Variants in KCNH7 observed in about 807,000 individuals in gnomAD.
KCNH7 encodes potassium voltage-gated channel subfamily H member 7, also known as voltage-gated inwardly rectifying potassium channel KCNH7.
Under a neutral mutation model 120.8 loss-of-function variants are expected in KCNH7, and 49 were observed. The ratio of observed to expected loss-of-function variants is 0.41; its 90% CI spans 0.32 to 0.51. The LOEUF is 0.51. Ranked by LOEUF, KCNH7 falls within the 20% of genes least tolerant of loss-of-function variation. The pLI, the probability that KCNH7 is intolerant of heterozygous loss-of-function variation, is 0.38. For missense variants in KCNH7, 1,097 were observed against 1,446.6 expected, an observed-to-expected ratio of 0.76 and a Z score of 3.92; for synonymous variants, 547 against 516.1, an observed-to-expected ratio of 1.06 and a Z score of -0.81.
chr2:162,371,667 T>C lies in KCNH7; in HGVS notation c.*162A>G. On this transcript the variant is annotated 3_prime_UTR_variant, in exon 16 of 16. Coordinates refer to ENST00000332142, the MANE Select transcript of KCNH7 (RefSeq NM_033272.4). ...TTATGTATATTTACATCCTAACTGC[T>C]CAGTTTTACCTTACAAGCTTCAATT... is the stretch of plus-strand genomic sequence containing the variant. The C allele has an allele frequency of 4.9e-6, 4 of 816,028 alleles. No homozygotes were observed. In the South Asian group the frequency reaches 6.7e-5, roughly 14 times the overall value. The allele number at this position is 816,028 out of a possible 1,614,324, so 50.5% of individuals were successfully genotyped here.
chr2:162,710,405 C>T (rs1686886068), intron 2 of KCNH7, among the ~76,000 whole-genome samples: 1 of 152,016 alleles, frequency 6.6e-6, no homozygotes. Context: ...TGACCCAAGC[C>T]TATTTATTGT....
intron 9 of KCNH7, among the ~76,000 whole-genome samples, chr2:162,415,259 C>A (rs2105473825): frequency 6.6e-6 from 1 of 152,148 alleles, no homozygotes; most frequent in South Asian, 2.1e-4. Flanking sequence ...AAGTCCTCAA[C>A]CTTGGTCTAA....
At chr2:162,535,490 A>G (rs1574074129) in intron 3 of KCNH7, among the ~76,000 whole-genome samples, 1 of 151,740 alleles carries the variant, frequency 6.6e-6, no homozygotes, top group Non-Finnish European at 1.5e-5. Context: ...CATGCCAAGG[A>G]GCAAAGTAAA....
At chr2:162,644,389 C>T (rs1473699708) in intron 2 of KCNH7, among the ~76,000 whole-genome samples, 1 of 151,874 alleles carries the variant, frequency 6.6e-6, no homozygotes, top group African/African-American at 2.4e-5. Flanking sequence ...TACCCAGTAG[C>T]GTTATACATT....
intron 2 of KCNH7, among the ~76,000 whole-genome samples, chr2:162,609,603 A>G (rs1247275158): frequency 6.6e-6 from 1 of 152,182 alleles, no homozygotes. Flanking sequence ...ATTTTGGCCC[A>G]GAGGCAAGAT....
At chr2:162,820,209 T>TTGTGTGTGTGTGTGTG (rs71410049) in intron 2 of KCNH7, among the ~76,000 whole-genome samples, 3,708 of 99,658 alleles carry the variant, frequency 0.037, 154 homozygotes, top group Admixed American at 0.048. Context: ...CCGGCTAATT[T>TTGTGTGTGTGTGTGTG]TGTGTGTGTG....
intron 9 of KCNH7, among the ~76,000 whole-genome samples, chr2:162,422,198 A>G (rs112829719): frequency 0.022 from 3,300 of 152,260 alleles, 133 homozygotes; most frequent in African/African-American, 0.074. Context: ...TACATCACAC[A>G]CAGCTATGAT....
chr2:162,704,919 A>G (rs1226796185), intron 2 of KCNH7, among the ~76,000 whole-genome samples: 2 of 152,168 alleles, frequency 1.3e-5, no homozygotes, highest in Non-Finnish European at 2.9e-5. Flanking sequence ...ATTTTTGAAA[A>G]TCTGTGCTTT....
intron 2 of KCNH7, among the ~76,000 whole-genome samples, chr2:162,752,912 AG>A: frequency 1.1e-4 from 5 of 46,604 alleles, no homozygotes; most frequent in South Asian, 7.2e-4. Flanking sequence ...GAAAAAGAAA[AG>A]AAAAGAAAAG....
intron 7 of KCNH7, among the ~76,000 whole-genome samples, chr2:162,443,096 G>T (rs928408374): frequency 1.3e-5 from 2 of 151,998 alleles, no homozygotes; most frequent in African/African-American, 4.8e-5. Context: ...AGGTTTTAAG[G>T]CTTTATTTTT....
At chr2:162,777,351 G>A (rs1397686083) in intron 2 of KCNH7, among the ~76,000 whole-genome samples, 1 of 151,510 alleles carries the variant, frequency 6.6e-6, no homozygotes, top group Non-Finnish European at 1.5e-5. Flanking sequence ...ATCAATAATT[G>A]TTATATGGTA....
At chr2:162,775,727 A>G (rs897324335) in intron 2 of KCNH7, among the ~76,000 whole-genome samples, 5 of 152,102 alleles carry the variant, frequency 3.3e-5, no homozygotes, top group Non-Finnish European at 7.4e-5. Context: ...ATACAATTTC[A>G]TTTTCTTGTT....
At chr2:162,757,264 T>G (rs141104877) in intron 2 of KCNH7, among the ~76,000 whole-genome samples, 3 of 152,260 alleles carry the variant, frequency 2.0e-5, no homozygotes, top group African/African-American at 7.2e-5. Flanking sequence ...GTTTAGAGAT[T>G]TAAATGTTAG....
rs372026428 is a variant in KCNH7 at position 162,686,229 on chromosome 2, T to C, written c.308-149149A>G. Among the ~76,000 whole-genome samples, 118 of 152,212 alleles carry C rather than the reference T, an allele frequency of 7.8e-4. 4 individuals carry two copies. The South Asian group carries it at 0.024, about 31-fold the overall frequency. On this transcript the variant is annotated intron_variant, in intron 2 of 15. Transcript: ENST00000332142. Reference sequence around the variant, plus strand: ...TAATTCATTAACAGCAATCTCCCAATTCAAAAGCCCAAATTAAAAAACATG... The same window carrying C: ...TAATTCATTAACAGCAATCTCCCAACTCAAAAGCCCAAATTAAAAAACATG...
At chr2:162,807,396 C>T (rs1311489102) in intron 2 of KCNH7, among the ~76,000 whole-genome samples, 5 of 151,746 alleles carry the variant, frequency 3.3e-5, no homozygotes, top group Non-Finnish European at 7.4e-5. Flanking sequence ...GATATGGTGC[C>T]ACTGCCCTCC....
intron 5 of KCNH7, among the ~76,000 whole-genome samples, chr2:162,505,385 A>G (rs1690837196): frequency 6.6e-6 from 1 of 152,000 alleles, no homozygotes; most frequent in African/African-American, 2.4e-5. Flanking sequence ...AAAAACCGCA[A>G]AAGACTAATG....
chr2:162,822,991 G>T (rs569630753), intron 2 of KCNH7, among the ~76,000 whole-genome samples: 1 of 152,286 alleles, frequency 6.6e-6, no homozygotes, highest in Non-Finnish European at 1.5e-5. Flanking sequence ...TTCACACTTT[G>T]CATCAAGGGG....
chr2:162,715,946 TTG>T (rs55649777), intron 2 of KCNH7, among the ~76,000 whole-genome samples: 12,256 of 145,834 alleles, frequency 0.084, 754 homozygotes, highest in African/African-American at 0.17. Context: ...GAGCATGTCT[TTG>T]TGTGTGTGTG....
intron 2 of KCNH7, among the ~76,000 whole-genome samples, chr2:162,593,887 A>G (rs1174110805): frequency 6.6e-6 from 1 of 151,948 alleles, no homozygotes; most frequent in South Asian, 2.1e-4. Flanking sequence ...TTTTGGACTC[A>G]TATTTCTCAC....
Sources: allele counts gnomAD v4.1 joint callset (sites outside exome capture counted in the v4.1 genomes callset), GRCh38; gene constraint gnomAD v4.1.1; transcripts MANE v1.5; gene names NCBI Gene and HGNC (gene_info 2026-07-23, HGNC 2026-07-21).